The following ENPEP variants were observed in gnomAD, a reference collection of about 807,000 sequenced individuals.
ENPEP encodes the protein glutamyl aminopeptidase.
A neutral mutation model predicts 114.5 loss-of-function variants in ENPEP; 103 were observed. The ratio of observed to expected loss-of-function variants is 0.90; its 90% CI spans 0.77 to 1.06. The LOEUF is 1.06. Ranked by LOEUF, ENPEP falls within the 50% of genes least tolerant of loss-of-function variation. The pLI is 0.00. For missense variants in ENPEP, 1,196 were observed against 1,161.3 expected (o/e 1.03, Z -0.43); for synonymous variants, 420 against 422.0 (o/e 1.00, Z 0.06).
At chr4:110,558,840 T>TC (rs1427483964) in intron 18 of ENPEP, among the ~76,000 whole-genome samples, 5 of 152,164 alleles carry the variant, frequency 3.3e-5, no homozygotes, top group African/African-American at 9.7e-5. Flanking sequence ...TCTTTAAAAT[T>TC]CTGTCTTGGA....
At chr4:110,542,972 C>T in intron 12 of ENPEP, 43 bp from the exon 13 acceptor site, 1 of 1,610,828 alleles carries the variant, frequency 6.2e-7, no homozygotes. Flanking sequence ...ACATGCTTTG[C>T]CTTAAGAATT....
intron 13 of ENPEP, 34 bp from the exon 14 acceptor site, chr4:110,548,142 T>C: frequency 1.0e-5 from 3 of 299,520 alleles, no homozygotes; most frequent in Non-Finnish European, 1.1e-5. Flanking sequence ...ACTGTGAGTT[T>C]TTTTTTTTTT....
At chr4:110,529,694 AG>A (rs953663468) in intron 10 of ENPEP, among the ~76,000 whole-genome samples, 12 of 152,194 alleles carry the variant, frequency 7.9e-5, no homozygotes, top group Non-Finnish European at 1.3e-4. Context: ...TTCCTTGCTC[AG>A]GTAGCTGGAA....
intron 13 of ENPEP, among the ~76,000 whole-genome samples, chr4:110,547,879 C>G (rs1388740376): frequency 6.6e-6 from 1 of 151,988 alleles, no homozygotes; most frequent in Non-Finnish European, 1.5e-5. Flanking sequence ...AACTGTACAG[C>G]TAAATGGCTT....
chr4:110,516,534 G>A (rs561194958), intron 8 of ENPEP, among the ~76,000 whole-genome samples: 9 of 152,228 alleles, frequency 5.9e-5, no homozygotes, highest in African/African-American at 1.9e-4. Flanking sequence ...CCAGAGAGCA[G>A]AAAACAGGTT....
At chr4:110,546,942 G>A (rs1297633343) in intron 13 of ENPEP, among the ~76,000 whole-genome samples, 1 of 151,984 alleles carries the variant, frequency 6.6e-6, no homozygotes, top group African/African-American at 2.4e-5. Context: ...AAGCACATGG[G>A]GTCAGTTTTA....
intron 19 of ENPEP, among the ~76,000 whole-genome samples, chr4:110,560,932 T>C (rs1727656133): frequency 6.6e-6 from 1 of 152,134 alleles, no homozygotes; most frequent in Admixed American, 6.5e-5. Flanking sequence ...GGGGTAGGGC[T>C]TTGGAGGTCA....
intron 14 of ENPEP, among the ~76,000 whole-genome samples, chr4:110,549,038 CTT>C (rs1365035144): frequency 1.3e-5 from 2 of 152,034 alleles, no homozygotes; most frequent in East Asian, 3.9e-4. Context: ...CTTAAACAAT[CTT>C]AGTGCAGAAA....
chr4:110,482,545 T>G (rs552601135), intron 1 of ENPEP, among the ~76,000 whole-genome samples: 1 of 152,304 alleles, frequency 6.6e-6, no homozygotes, highest in Admixed American at 6.5e-5. Context: ...GGTGAGATAA[T>G]CATCATTAAG....
chr4:110,498,113 A>G (rs1441000851), intron 3 of ENPEP, among the ~76,000 whole-genome samples: 7 of 152,194 alleles, frequency 4.6e-5, no homozygotes, highest in African/African-American at 1.2e-4. Context: ...AGCATCTACT[A>G]TGTGCACTGG....
intron 10 of ENPEP, among the ~76,000 whole-genome samples, chr4:110,523,011 G>A (rs1439510536): frequency 2.6e-5 from 4 of 152,078 alleles, no homozygotes; most frequent in East Asian, 1.9e-4. Context: ...GGAAAACCAC[G>A]AAAGGAAATG....
chr4:110,526,803 G>A (rs752027503), intron 10 of ENPEP, among the ~76,000 whole-genome samples: 16 of 152,244 alleles, frequency 1.1e-4, no homozygotes, highest in Non-Finnish European at 2.2e-4. Flanking sequence ...GATAGTTGAT[G>A]GAAACAATAA....
intron 11 of ENPEP, among the ~76,000 whole-genome samples, chr4:110,539,246 G>A (rs1430623019): frequency 2.0e-5 from 3 of 152,082 alleles, no homozygotes; most frequent in Admixed American, 1.3e-4. Flanking sequence ...AATAAAGTAA[G>A]GTATGCTTGT....
At chr4:110,557,255 C>T (rs536151784) in intron 18 of ENPEP, among the ~76,000 whole-genome samples, 2 of 152,272 alleles carry the variant, frequency 1.3e-5, no homozygotes, top group East Asian at 3.9e-4. Context: ...AGGCAGATGA[C>T]TTACGGATGA....
intron 10 of ENPEP, 66 bp from the exon 11 acceptor site, chr4:110,531,132 T>C (rs990475937): frequency 9.7e-7 from 1 of 1,034,464 alleles, no homozygotes. Context: ...TTTTTAGTGA[T>C]TTTTACTCTT....
chr4:110,515,456 CT>C lies in ENPEP; in HGVS notation c.1509+18del. On this transcript the variant is annotated intron_variant, in intron 8 of 19. Transcript: ENST00000265162. ...AAAGGATGTCAGGTATGATTTATTA[CT>C]TTTAGTGATATCAAAATTAAACTAC... 1 of 1,575,348 alleles carries C rather than the reference CT, an allele frequency of 6.3e-7. No individual in the cohort carries two copies.
rs946519476 is a variant in ENPEP, at chr4:110,522,167, T to G, written c.1727+1801T>G. On this transcript the variant is annotated intron_variant, in intron 10 of 19. Coordinates refer to ENST00000265162, the MANE Select transcript of ENPEP (RefSeq NM_001977.4). ...TGCTGGGATTACAGGCGTGAGCCAC[T>G]GTGCCTGGACTAGATAGGATTCTTT... Among the ~76,000 whole-genome samples the G allele has an allele frequency of 2.0e-5, 3 of 151,746 alleles. No individual in the cohort carries two copies. In the East Asian group the frequency reaches 5.8e-4, roughly 29 times the overall value.
rs535197423 is a variant in ENPEP at position 110,562,853 on chromosome 4, A to G, written c.*1295A>G. 5 of 152,332 alleles carry G rather than the reference A, an allele frequency of 3.3e-5. No homozygotes were observed. The South Asian group carries it at 1.0e-3, about 32-fold the overall frequency. The allele number at this position is 152,332 out of a possible 1,614,324, so 9.4% of individuals were successfully genotyped here. A position where few individuals can be genotyped will look rare whatever the true frequency, so the allele number is the denominator to read the frequency against. On this transcript the variant is annotated 3_prime_UTR_variant, in exon 20 of 20. Coordinates refer to ENST00000265162, the MANE Select transcript of ENPEP (RefSeq NM_001977.4). ...AACTTTCAAAAATGTAAGGTAATTTAGAATCGGCTTGATGAGAATTGAAGC... is the reference window on the plus strand; with the variant it reads ...AACTTTCAAAAATGTAAGGTAATTTGGAATCGGCTTGATGAGAATTGAAGC...
intron 11 of ENPEP, among the ~76,000 whole-genome samples, chr4:110,532,350 TA>T (rs1270208094): frequency 6.6e-6 from 1 of 152,200 alleles, no homozygotes; most frequent in African/African-American, 2.4e-5. Flanking sequence ...TTCACATAAA[TA>T]AAAGTGTATA....
Sources: gnomAD v4.1 joint callset for allele counts (sites outside exome capture counted in the v4.1 genomes callset) on GRCh38, gnomAD v4.1.1 for gene constraint, MANE v1.5 for transcripts, NCBI Gene and HGNC (gene_info 2026-07-23, HGNC 2026-07-21) for gene names.